The following PCDH15 variants were observed in gnomAD, a reference collection of about 807,000 sequenced individuals.
PCDH15 encodes the protein protocadherin-15.
Under a neutral mutation model 178.5 loss-of-function variants are expected in PCDH15, and 129 were observed. The observed-to-expected ratio is 0.72, with a 90% CI of 0.63 to 0.84. PCDH15 has a LOEUF of 0.84. PCDH15 is among the 40% of genes least tolerant of loss of function. PCDH15 has a pLI of 0.00. For synonymous variants in PCDH15, 800 were observed against 732.0 expected (o/e 1.09, Z -1.50); for missense variants, 2,230 against 2,099.9 (o/e 1.06, Z -1.21).
At chr10:55,057,315 AC>A (rs1478732711) in intron 2 of PCDH15, among the ~76,000 whole-genome samples, 2 of 152,202 alleles carry the variant, frequency 1.3e-5, no homozygotes, top group African/African-American at 4.8e-5. Flanking sequence ...TAAGAACAAA[AC>A]AAAATAAAAC....
chr10:55,024,340 G>T (rs1840422111), intron 2 of PCDH15, among the ~76,000 whole-genome samples: 1 of 145,718 alleles, frequency 6.9e-6, no homozygotes. Flanking sequence ...CCCATATATA[G>T]GAAGAAATAT....
chr10:55,414,793 G>C (rs1490714079), intron 2 of PCDH15, among the ~76,000 whole-genome samples: 1 of 150,830 alleles, frequency 6.6e-6, no homozygotes, highest in East Asian at 1.9e-4. Flanking sequence ...GTGTGTGTGT[G>C]TGTGTGTGTG....
Position 55,104,854 on chromosome 10 carries a change from T to A in PCDH15, c.-80+61722A>T, listed in dbSNP as rs1591906625. ...ATACTGCACTAAACATGATGAACAATATGCAAGAACTTCAGGAGATCACAT... is the reference window on the plus strand; with the variant it reads ...ATACTGCACTAAACATGATGAACAAAATGCAAGAACTTCAGGAGATCACAT... On this transcript the variant is annotated intron_variant, in intron 2 of 5. Coordinates refer to the PCDH15 transcript ENST00000458638. Among the ~76,000 whole-genome samples, 4 of 152,308 alleles carry A rather than the reference T, an allele frequency of 2.6e-5. No homozygotes were observed. The East Asian group carries it at 7.7e-4, about 29-fold the overall frequency.
At chr10:55,514,216 A>C (rs1422348796) in intron 2 of PCDH15, among the ~76,000 whole-genome samples, 1 of 152,176 alleles carries the variant, frequency 6.6e-6, no homozygotes, top group African/African-American at 2.4e-5. Context: ...GATGTTACAA[A>C]GTCATTCAAG....
chr10:54,415,965 G>A (rs1589284796), intron 3 of PCDH15, among the ~76,000 whole-genome samples: 1 of 151,606 alleles, frequency 6.6e-6, no homozygotes, highest in South Asian at 2.1e-4. Context: ...TTAAAAAATC[G>A]ACTTTTTTAT....
At chr10:53,937,777 G>A (rs570320902) in intron 25 of PCDH15, among the ~76,000 whole-genome samples, 1 of 152,146 alleles carries the variant, frequency 6.6e-6, no homozygotes, top group South Asian at 2.1e-4. Flanking sequence ...CTCCTGTCTT[G>A]CTTTCTTTTC....
Position 55,276,599 on chromosome 10 carries a change from C to G in PCDH15, c.-156+43000G>C, listed in dbSNP as rs558514900. 4.6e-4 allele frequency among the ~76,000 whole-genome samples: 70 copies of G among 151,640 alleles called. 2 individuals are homozygous for G. The highest frequency in any genetic ancestry group is 1.6e-3 in the African/African-American group (66 of 41,358). ...ATACCTTTTTTATAACTTCTTCATT[C>G]AATATTTTTATATTATCATTAGAAA... On this transcript the variant is annotated intron_variant, in intron 1 of 5. Transcript: ENST00000458638.
Position 54,820,662 on chromosome 10 carries a change from G to A in PCDH15, c.-29+76788C>T, listed in dbSNP as rs563817853. On this transcript the variant is annotated intron_variant, in intron 3 of 5. Coordinates refer to the PCDH15 transcript ENST00000458638. The stretch of plus-strand genomic sequence containing the variant: ...TTCAACTTTGTTTTAGAGTTCCTAC[G>A]AGCACCATAAAGCAATGCGTAGTTA... Among the ~76,000 whole-genome samples, 8 of 151,864 alleles carry A rather than the reference G, an allele frequency of 5.3e-5. No homozygotes were observed. The East Asian group carries it at 1.2e-3, about 22-fold the overall frequency.
In PCDH15 at chr10:54,421,809, A is replaced by AGT. The variant is rs1402685468; in HGVS notation, c.158-42869_158-42868dup. On this transcript the variant is annotated intron_variant, in intron 3 of 37. Coordinates refer to ENST00000644397, the MANE Select transcript of PCDH15 (RefSeq NM_001384140.1). ...CCTACATTTATATAGGTACATGTGT[A>AGT]GTGTGTGTATATATATATATATATA... 7.5e-3 allele frequency among the ~76,000 whole-genome samples: 542 copies of AGT among 71,856 alleles called. 7 individuals are homozygous for AGT. Among genetic ancestry groups the AGT allele is most frequent in the African/African-American group, 0.029 (427 of 14,704 alleles). 47.1% of individuals were successfully genotyped at this position (71,856 alleles called of 152,430 possible).
At chr10:55,175,416 C>A (rs1839451610) in intron 1 of PCDH15, among the ~76,000 whole-genome samples, 1 of 151,816 alleles carries the variant, frequency 6.6e-6, no homozygotes, top group Admixed American at 6.6e-5. Flanking sequence ...GGCTATGGGA[C>A]CAGATAGTAC....
chr10:53,917,716 C>T (rs1346216462), intron 25 of PCDH15, among the ~76,000 whole-genome samples: 1 of 152,086 alleles, frequency 6.6e-6, no homozygotes, highest in Non-Finnish European at 1.5e-5. Flanking sequence ...CACACTGATA[C>T]GGTTTGGATG....
chr10:55,052,162 A>T (rs2131988857), intron 2 of PCDH15, among the ~76,000 whole-genome samples: 1 of 150,120 alleles, frequency 6.7e-6, no homozygotes, highest in Non-Finnish European at 1.5e-5. Flanking sequence ...ATCTCCGCTC[A>T]CTGCAAGCTC....
intron 2 of PCDH15, among the ~76,000 whole-genome samples, chr10:55,039,891 G>A (rs957397325): frequency 6.6e-6 from 1 of 151,916 alleles, no homozygotes; most frequent in Non-Finnish European, 1.5e-5. Flanking sequence ...AACCCAATAA[G>A]TGTCAAGTCT....
At chr10:54,718,009 G>A (rs963124519) in intron 1 of PCDH15, among the ~76,000 whole-genome samples, 1 of 148,476 alleles carries the variant, frequency 6.7e-6, no homozygotes, top group Non-Finnish European at 1.5e-5. Flanking sequence ...AATATCACAA[G>A]GACAAAAAAC....
At chr10:54,637,350 C>T (rs2093880764) in intron 2 of PCDH15, among the ~76,000 whole-genome samples, 1 of 151,900 alleles carries the variant, frequency 6.6e-6, no homozygotes, top group Non-Finnish European at 1.5e-5. Context: ...CCTTATAGTT[C>T]TGTGAGTCAT....
At chr10:54,090,111 C>A in intron 15 of PCDH15, 48 bp from the exon 16 acceptor site, 1 of 1,346,190 alleles carries the variant, frequency 7.4e-7, no homozygotes, top group Non-Finnish European at 1.1e-6. Context: ...GATATGGCGC[C>A]CACTCATTAC....
intron 27 of PCDH15, among the ~76,000 whole-genome samples, chr10:53,861,385 A>G (rs1477456769): frequency 6.6e-6 from 1 of 152,184 alleles, no homozygotes; most frequent in East Asian, 1.9e-4. Context: ...ATTGTTAAAA[A>G]GAAGAGAAAT....
chr10:54,792,215 A>G (rs1373643483), intron 1 of PCDH15, among the ~76,000 whole-genome samples: 1 of 151,948 alleles, frequency 6.6e-6, no homozygotes, highest in Non-Finnish European at 1.5e-5. Flanking sequence ...AAAAACAGAA[A>G]AAGTTTTGGG....
At chr10:55,536,527 G>A (rs568057731) in intron 2 of PCDH15, among the ~76,000 whole-genome samples, 1 of 151,884 alleles carries the variant, frequency 6.6e-6, no homozygotes, top group Non-Finnish European at 1.5e-5. Context: ...TACTTTCCTC[G>A]GCATTTTTCT....
Sources: allele counts gnomAD v4.1 joint callset (sites outside exome capture counted in the v4.1 genomes callset), GRCh38; gene constraint gnomAD v4.1.1; transcripts MANE v1.5; gene names NCBI Gene and HGNC (gene_info 2026-07-23, HGNC 2026-07-21).